MAP3K5: variants seen among roughly 807,000 people sequenced by gnomAD.
MAP3K5 encodes the protein mitogen-activated protein kinase kinase kinase 5.
Under a neutral mutation model 158.7 loss-of-function variants are expected in MAP3K5, and 56 were observed. The observed-to-expected ratio is 0.35, with a 90% CI of 0.28 to 0.44. MAP3K5 has a LOEUF of 0.44. Ranked by LOEUF, MAP3K5 falls within the 20% of genes least tolerant of loss-of-function variation. The pLI is 1.00. For missense variants in MAP3K5, 1,294 were observed against 1,674.8 expected, an observed-to-expected ratio of 0.77 and a Z score of 3.97; for synonymous variants, 579 against 601.7, an observed-to-expected ratio of 0.96 and a Z score of 0.55.
At chr6:136,593,126 G>A (rs528540509) in intron 21 of MAP3K5, among the ~76,000 whole-genome samples, 4 of 152,254 alleles carry the variant, frequency 2.6e-5, no homozygotes, top group East Asian at 3.9e-4. Context: ...AAAATATGCT[G>A]ACTGTCATAT....
chr6:136,623,045 A>C, intron 14 of MAP3K5, 64 bp from the exon 15 acceptor site: 5 of 1,539,222 alleles, frequency 3.2e-6, no homozygotes, highest in Non-Finnish European at 4.5e-6. Flanking sequence ...TCAAACATCA[A>C]ATTTTTTTCC....
chr6:136,698,731 G>C, intron 3 of MAP3K5, 49 bp from the exon 4 acceptor site: 1 of 1,305,918 alleles, frequency 7.7e-7, no homozygotes. Context: ...CTGGAGACAC[G>C]GCACAGATGG....
intron 12 of MAP3K5, among the ~76,000 whole-genome samples, chr6:136,641,608 T>C (rs1777938715): frequency 6.6e-6 from 1 of 151,710 alleles, no homozygotes; most frequent in Non-Finnish European, 1.5e-5. Context: ...AGTTCACCAC[T>C]GTAATCTCAA....
chr6:136,567,143 C>T (rs1774147678), intron 26 of MAP3K5, among the ~76,000 whole-genome samples: 1 of 152,170 alleles, frequency 6.6e-6, no homozygotes, highest in Non-Finnish European at 1.5e-5. Flanking sequence ...TACAGCATAT[C>T]AAAAATAAAA....
chr6:136,656,183 G>A lies in MAP3K5; in HGVS notation c.1680+124C>T, dbSNP rs1778736222. ...AGCAAACCAATGTGCAGGAAATAAA[G>A]ATATTAACCAGATGACTGCAGTTTT... On this transcript the variant is annotated intron_variant, in intron 10 of 29. Transcript: ENST00000359015. The A allele has an allele frequency of 1.2e-5, 9 of 722,470 alleles. No homozygotes were observed. The South Asian group carries it at 1.5e-4, about 12-fold the overall frequency. The allele number at this position is 722,470 out of a possible 1,614,324, so 44.8% of individuals were successfully genotyped here.
intron 1 of MAP3K5, among the ~76,000 whole-genome samples, chr6:136,789,986 C>A (rs111499811): frequency 2.0e-5 from 3 of 152,064 alleles, no homozygotes; most frequent in Admixed American, 6.5e-5. Flanking sequence ...GCCACCACGC[C>A]TGGCCCAAGC....
At chr6:136,578,207 C>G (rs1774705192) in intron 25 of MAP3K5, among the ~76,000 whole-genome samples, 1 of 152,182 alleles carries the variant, frequency 6.6e-6, no homozygotes, top group Non-Finnish European at 1.5e-5. Context: ...TATTGTTTGA[C>G]TTCCTTAGAG....
chr6:136,777,634 G>A (rs531729113), intron 1 of MAP3K5, among the ~76,000 whole-genome samples: 1 of 152,258 alleles, frequency 6.6e-6, no homozygotes, highest in Non-Finnish European at 1.5e-5. Context: ...GTTATATAAA[G>A]TATACATTCA....
intron 7 of MAP3K5, among the ~76,000 whole-genome samples, chr6:136,688,353 G>A (rs921681839): frequency 6.6e-6 from 1 of 151,854 alleles, no homozygotes; most frequent in Non-Finnish European, 1.5e-5. Flanking sequence ...AACCACCATG[G>A]CATATATATA....
intron 11 of MAP3K5, among the ~76,000 whole-genome samples, chr6:136,646,026 GT>G (rs542017221): frequency 3.3e-4 from 50 of 151,934 alleles, no homozygotes; most frequent in Admixed American, 3.1e-3. Flanking sequence ...AAGTTTTTTT[GT>G]TTTTATTGCT....
rs1775887343 is a variant in MAP3K5 at position 136,601,788 on chromosome 6, A to G, written c.2857+14T>C. ...AAGGACTCAGACTATATCCTCTTCAATGCAACCACATACCTGAAAGCTTAG... is the reference window on the plus strand; with the variant it reads ...AAGGACTCAGACTATATCCTCTTCAGTGCAACCACATACCTGAAAGCTTAG... On this transcript the variant is annotated intron_variant, in intron 20 of 29. Transcript: ENST00000359015. 1.2e-6 allele frequency: 2 copies of G among 1,613,126 alleles called. No homozygotes were observed. Among genetic ancestry groups the G allele is most frequent in the African/African-American group, 1.3e-5 (1 of 74,768 alleles).
chr6:136,683,637 T>C (rs1442151514), intron 7 of MAP3K5, among the ~76,000 whole-genome samples: 1 of 152,194 alleles, frequency 6.6e-6, no homozygotes, highest in African/African-American at 2.4e-5. Context: ...TACGCAAGTG[T>C]TAATTTTTTT....
chr6:136,782,055 G>GGA (rs1346625618), intron 1 of MAP3K5, among the ~76,000 whole-genome samples: 7 of 132,770 alleles, frequency 5.3e-5, no homozygotes, highest in South Asian at 2.4e-4. Context: ...GTCTCTACTG[G>GGA]AAAAAAAAAA....
At chr6:136,751,042 T>A (rs1024064801) in intron 1 of MAP3K5, among the ~76,000 whole-genome samples, 3 of 152,150 alleles carry the variant, frequency 2.0e-5, no homozygotes, top group Admixed American at 1.3e-4. Flanking sequence ...AGTTGTTTTT[T>A]TCCCCACTTT....
rs551902953 is a variant in MAP3K5, at chr6:136,638,630, T to C, written c.1934+913A>G. ...TAAGTGTAAGTAGAGAATTAGTCCA[T>C]ACAAGAGCTAGGAATTTTCTTATTT... On this transcript the variant is annotated intron_variant, in intron 13 of 29. Transcript: ENST00000359015. Among the ~76,000 whole-genome samples, 7 of 152,266 alleles carry C rather than the reference T, an allele frequency of 4.6e-5. No homozygotes were observed. In the East Asian group the frequency reaches 9.6e-4, roughly 21 times the overall value.
At chr6:136,607,060 C>T (rs115424668) in intron 18 of MAP3K5, among the ~76,000 whole-genome samples, 1 of 152,186 alleles carries the variant, frequency 6.6e-6, no homozygotes, top group East Asian at 1.9e-4. Context: ...CAACCATGCT[C>T]CCCAAAGACG....
chr6:136,623,924 G>C (rs928297036), intron 14 of MAP3K5, among the ~76,000 whole-genome samples: 3 of 152,170 alleles, frequency 2.0e-5, no homozygotes, highest in African/African-American at 7.2e-5. Flanking sequence ...CAGGTGTGGT[G>C]GCTCATGCCT....
At chr6:136,683,493 T>G (rs1780020391) in intron 7 of MAP3K5, among the ~76,000 whole-genome samples, 1 of 152,244 alleles carries the variant, frequency 6.6e-6, no homozygotes, top group South Asian at 2.1e-4. Context: ...GTCTTTCAGC[T>G]GCTGGTTCAA....
chr6:136,558,559 T>G (rs757167150), intron 29 of MAP3K5, among the ~76,000 whole-genome samples: 16 of 152,196 alleles, frequency 1.1e-4, no homozygotes, highest in Non-Finnish European at 2.4e-4. Flanking sequence ...GGACTTAGTC[T>G]GCATCTTATT....
Sources: allele counts gnomAD v4.1 joint callset (sites outside exome capture counted in the v4.1 genomes callset), GRCh38; gene constraint gnomAD v4.1.1; transcripts MANE v1.5; gene names NCBI Gene and HGNC (gene_info 2026-07-23, HGNC 2026-07-21).